Variants in SIGLEC11 observed in about 807,000 individuals in gnomAD.
SIGLEC11 encodes the protein sialic acid binding Ig like lectin 11.
SIGLEC11 carries 47 observed loss-of-function variants against 61.2 expected under a neutral mutation model. The observed-to-expected ratio is 0.77, with a 90% CI of 0.61 to 0.98. The LOEUF (loss-of-function observed/expected upper bound fraction) is 0.98, where lower values mean the gene tolerates loss of function less well. Ranked by LOEUF, SIGLEC11 falls within the 50% of genes least tolerant of loss-of-function variation. The probability of loss-of-function intolerance (pLI) is 0.00; values close to 1 mark genes in which losing one functional copy is unlikely to be tolerated. For synonymous variants in SIGLEC11, 278 were observed against 373.1 expected (o/e 0.75, Z 2.94); for missense variants, 610 against 870.3 (o/e 0.70, Z 3.76).
In SIGLEC11 at chr19:49,958,775, C is replaced by T. The variant is rs200076826; in HGVS notation, c.1231G>A (p.Gly411Ser). Residue 411 changes from glycine to serine, a missense_variant, in exon 7 of 11, where the codon GGC becomes AGC. By Grantham distance (56) the Gly-to-Ser change is moderately conservative (BLOSUM62 0). Coordinates refer to ENST00000447370, the MANE Select transcript of SIGLEC11 (RefSeq NM_052884.3). ...CCGGGGTCTGAGGGCTGGGAGGGGC[C>T]CACGGTCTGTCCCCACCGGGTCCAG... The part of the protein sequence containing the change: ...LSWTRWGQTV[G>S]PSQPSDPGVL... The T allele has an allele frequency of 5.6e-6, 9 of 1,613,652 alleles. No homozygotes were observed. Among genetic ancestry groups the T allele is most frequent in the Non-Finnish European group, 1.7e-6 (2 of 1,179,864 alleles).
At chr19:49,956,305 G>A (rs1031576520) in intron 8 of SIGLEC11, among the ~76,000 whole-genome samples, 18 of 152,264 alleles carry the variant, frequency 1.2e-4, no homozygotes, top group Admixed American at 5.9e-4. Context: ...GCAATATGAC[G>A]ATAAAACACT....
rs2076242581 is a variant in SIGLEC11 at position 49,960,922 on chromosome 19, C to T, written c.90G>A (p.Lys30=). ...GCACTTGAAGACTGTAACTGGGATC[C>T]TTGTTCAGGGACCCTGGGGAGATGC... The part of the protein sequence containing the change: ...LPVLGAGSLN[K]DPSYSLQVQR... The change falls in exon 2 of 11, where the codon AAG becomes AAA. Residue 30 remains lysine, a synonymous_variant. Transcript: ENST00000447370. 1 of 1,499,528 alleles carries T rather than the reference C, an allele frequency of 6.7e-7. No homozygotes were observed. Among genetic ancestry groups the T allele is most frequent in the Non-Finnish European group, 9.1e-7 (1 of 1,101,720 alleles). 92.9% of individuals were successfully genotyped at this position (1,499,528 alleles called of 1,614,324 possible).
Position 49,955,667 on chromosome 19 carries a change from G to A in SIGLEC11, c.1651+2616C>T, listed in dbSNP as rs182485062. Among the ~76,000 whole-genome samples the A allele has an allele frequency of 4.0e-4, 61 of 152,322 alleles. No homozygotes were observed. In the East Asian group the frequency reaches 0.012, roughly 29 times the overall value. On this transcript the variant is annotated intron_variant, in intron 8 of 10. Coordinates refer to ENST00000447370, the MANE Select transcript of SIGLEC11 (RefSeq NM_052884.3). This position sits in a 1 kb window ranked among gnomAD's most constrained non-coding sequence, Gnocchi z 4.5. ...AAAAATTAGCAGGCCGGGCATGGCG[G>A]CTCACACCTGTAATCCCAGCACTTT...
chr19:49,958,656 G>T lies in SIGLEC11; in HGVS notation c.1350C>A (p.Ser450Arg). The part of the protein sequence containing the change: ...HPLGSQHVSL[S>R]LSVHYPPQLL... The stretch of plus-strand genomic sequence containing the variant: ...TCCCCCACTCACAGTGCACGGAGAG[G>T]CTGAGAGAGACGTGCTGGGAGCCCA... The change falls in exon 7 of 11, where the codon AGC becomes AGA. Residue 450 changes from serine to arginine, a missense_variant. Physicochemically the swap from Ser to Arg is moderately radical, Grantham distance 110 (BLOSUM62 -1). Around this residue, in one of 6 missense-constraint regions of SIGLEC11, gnomAD observed 432 missense variants for 441.5 expected, o/e 0.98. Transcript: ENST00000447370. 2.5e-6 allele frequency: 4 copies of T among 1,599,988 alleles called. No individual in the cohort carries two copies. The highest frequency in any genetic ancestry group is 3.4e-6 in the Non-Finnish European group (4 of 1,173,198).
chr19:49,950,269 G>A, intron 10 of SIGLEC11, 33 bp from the exon 11 acceptor site: 5 of 1,499,078 alleles, frequency 3.3e-6, no homozygotes, highest in Non-Finnish European at 4.4e-6. Context: ...GTCAAATTAG[G>A]GTCATGGGGG....
rs1350264103 is a variant in SIGLEC11, at chr19:49,958,648, A to G, written c.1358T>C (p.Val453Ala). The change falls in exon 7 of 11, where the codon GTG becomes GCG. Residue 453 changes from valine (V) to alanine (A), a missense_variant. By Grantham distance (64) the Val-to-Ala change is moderately conservative. Coordinates refer to ENST00000447370, the MANE Select transcript of SIGLEC11 (RefSeq NM_052884.3). Reference sequence around the variant, plus strand: ...GTCCCCTTTCCCCCACTCACAGTGCACGGAGAGGCTGAGAGAGACGTGCTG... The same window carrying G: ...GTCCCCTTTCCCCCACTCACAGTGCGCGGAGAGGCTGAGAGAGACGTGCTG... ...GSQHVSLSLS[V>A]HYPPQLLGPS... 1 of 1,594,516 alleles carries G rather than the reference A, an allele frequency of 6.3e-7. No individual in the cohort carries two copies. The highest frequency in any genetic ancestry group is 1.3e-5 in the African/African-American group (1 of 74,628).
Position 49,960,894 on chromosome 19 carries a change from T to C in SIGLEC11, c.118A>G (p.Arg40Gly), listed in dbSNP as rs1163839712. The part of the protein sequence containing the change: ...KDPSYSLQVQ[R>G]QVPVPEGLCV... ...AGGCCCTCCGGCACCGGCACCTGCC[T>C]CTGCACTTGAAGACTGTAACTGGGA... The change falls in exon 2 of 11, where the codon AGG becomes GGG. Residue 40 changes from arginine to glycine, a missense_variant. By Grantham distance (125) the Arg-to-Gly change is moderately radical (BLOSUM62 -2). Around this residue, in one of 6 missense-constraint regions of SIGLEC11, gnomAD observed 27 missense variants for 96.0 expected, o/e 0.28. Coordinates refer to ENST00000447370, the MANE Select transcript of SIGLEC11 (RefSeq NM_052884.3). The C allele has an allele frequency of 6.5e-7, 1 of 1,537,396 alleles. No homozygotes were observed. Among genetic ancestry groups the C allele is most frequent in the Non-Finnish European group, 8.9e-7 (1 of 1,126,374 alleles).
At chr19:49,958,985 C>T in intron 6 of SIGLEC11, 45 bp downstream of exon 6, 3 of 1,613,504 alleles carry the variant, frequency 1.9e-6, no homozygotes, top group Non-Finnish European at 2.5e-6. Flanking sequence ...CCTGGGCCCC[C>T]AGTTTGGCAC....
At position 49,949,849 on chromosome 19, in the gene SIGLEC11, G is replaced by C. The variant is rs1244701875; in HGVS notation, c.*121C>G. 9 of 1,114,702 alleles carry C rather than the reference G, an allele frequency of 8.1e-6. No individual in the cohort carries two copies. The highest frequency in any genetic ancestry group is 1.0e-5 in the Non-Finnish European group (9 of 861,000). 69.1% of individuals were successfully genotyped at this position (1,114,702 alleles called of 1,614,324 possible). ...AGAGTCAGACCCTGTCTCAAAAAAA[G>C]TATAATCTTCAAACTCAAGCTCTTC... On this transcript the variant is annotated 3_prime_UTR_variant, in exon 11 of 11. Transcript: ENST00000447370.
Position 49,960,526 on chromosome 19 carries a change from G to A in SIGLEC11, c.460+26C>T, listed in dbSNP as rs767375333. On this transcript the variant is annotated intron_variant, in intron 2 of 10. Coordinates refer to ENST00000447370, the MANE Select transcript of SIGLEC11 (RefSeq NM_052884.3). ...CCAGGGTCCCTCCCCAGTGTGACAG[G>A]CAGGGGTTCCCACCCCATTCCATAC... 37 of 1,593,878 alleles carry A rather than the reference G, an allele frequency of 2.3e-5. 2 individuals are homozygous for A. Among genetic ancestry groups the A allele is most frequent in the African/African-American group, 3.2e-5 (2 of 61,652 alleles).
At chr19:49,953,048 T>G (rs1217504987) in intron 8 of SIGLEC11, among the ~76,000 whole-genome samples, 1 of 152,160 alleles carries the variant, frequency 6.6e-6, no homozygotes. Context: ...TCCCGCAGCA[T>G]TTTTGGCGAC....
In SIGLEC11 at chr19:49,951,858, C is replaced by G; in HGVS notation, c.1830+33G>C. 1 of 1,541,654 alleles carries G rather than the reference C, an allele frequency of 6.5e-7. No homozygotes were observed. Among genetic ancestry groups the G allele is most frequent in the Non-Finnish European group, 8.7e-7 (1 of 1,143,208 alleles). On this transcript the variant is annotated intron_variant, in intron 10 of 10. Transcript: ENST00000447370. The surrounding 1 kb of genome is among the most constrained non-coding windows in gnomAD (Gnocchi z 4.6). ...TGGCCATCAAGGAAAGGGGAACAGG[C>G]AGGGCCCCAGCAGACAGAGGCTGGG... is the stretch of plus-strand genomic sequence containing the variant.
At position 49,950,369 on chromosome 19, in the gene SIGLEC11, CTCATTCATTCACTCAT is replaced by C. The variant is rs930760653; in HGVS notation, c.1831-149_1831-134del. 1.9e-5 allele frequency: 18 copies of C among 923,424 alleles called. No individual in the cohort carries two copies. The East Asian group carries it at 3.0e-4, about 15-fold the overall frequency. 57.2% of individuals were successfully genotyped at this position (923,424 alleles called of 1,614,324 possible). ...TCATTCCACAAAGGTCAGCTGGGCC[CTCATTCATTCACTCAT>C]TCATTCATTCACTCATTCAGCAAAT... is the stretch of plus-strand genomic sequence containing the variant. On this transcript the variant is annotated intron_variant, in intron 10 of 10. Coordinates refer to ENST00000447370, the MANE Select transcript of SIGLEC11 (RefSeq NM_052884.3).
chr19:49,957,222 T>C (rs1600614987), intron 8 of SIGLEC11, among the ~76,000 whole-genome samples: 1 of 152,254 alleles, frequency 6.6e-6, no homozygotes, highest in East Asian at 1.9e-4. Flanking sequence ...ATATCAACCT[T>C]TGTCTAAAGA....
chr19:49,958,751 C>T lies in SIGLEC11; in HGVS notation c.1255G>A (p.Gly419Arg), dbSNP rs765525096. 3.3e-5 allele frequency: 53 copies of T among 1,613,720 alleles called. No individual in the cohort carries two copies. In the South Asian group the frequency reaches 4.0e-4, roughly 12 times the overall value. Reference protein sequence around the residue: ...TVGPSQPSDPGVLELPPIQME... With the variant: ...TVGPSQPSDPRVLELPPIQME... ...TGAATGGGTGGCAGCTCCAGGACCC[C>T]GGGGTCTGAGGGCTGGGAGGGGCCC... is the stretch of plus-strand genomic sequence containing the variant. The change falls in exon 7 of 11, where the codon GGG (glycine) becomes AGG (arginine). Residue 419 changes from glycine to arginine, a missense_variant. By Grantham distance (125) the Gly-to-Arg change is moderately radical. Transcript: ENST00000447370.
chr19:49,953,013 G>T (rs76990870), intron 8 of SIGLEC11, among the ~76,000 whole-genome samples: 1 of 152,156 alleles, frequency 6.6e-6, no homozygotes, highest in Non-Finnish European at 1.5e-5. Flanking sequence ...CCTGTTCTCC[G>T]TATCGGTCTC....
At chr19:49,956,454 A>C (rs941866551) in intron 8 of SIGLEC11, among the ~76,000 whole-genome samples, 3 of 152,144 alleles carry the variant, frequency 2.0e-5, no homozygotes, top group African/African-American at 7.2e-5. Flanking sequence ...TCTTTGTTGG[A>C]TCTGTAGGCC....
At chr19:49,958,030 C>T (rs866768691) in intron 8 of SIGLEC11, among the ~76,000 whole-genome samples, 1 of 152,080 alleles carries the variant, frequency 6.6e-6, no homozygotes, top group Non-Finnish European at 1.5e-5. Context: ...CCTTCTTTGT[C>T]TTTATTTAAT....
rs775853486 is a variant in SIGLEC11 at position 49,949,988 on chromosome 19, T to C, written c.2079A>G (p.Ser693=). The C allele has an allele frequency of 1.0e-5, 15 of 1,493,460 alleles. No individual in the cohort carries two copies. Among genetic ancestry groups the C allele is most frequent in the African/African-American group, 1.4e-5 (1 of 71,066 alleles). 92.5% of individuals were successfully genotyped at this position (1,493,460 alleles called of 1,614,324 possible). A position where few individuals can be genotyped will look rare whatever the true frequency, so the allele number is the denominator to read the frequency against. ...GFGLQLEREM[S]GMVPK ...GACCTCTTCACTTTGGAACCATCCC[T>C]GACATCTCCCTCTCCAATTGAAGCC... is the stretch of plus-strand genomic sequence containing the variant. Residue 693 remains serine (S), a synonymous_variant, in exon 11 of 11, where the codon TCA becomes TCG. Coordinates refer to ENST00000447370, the MANE Select transcript of SIGLEC11 (RefSeq NM_052884.3).
Sources: allele counts gnomAD v4.1 joint callset (sites outside exome capture counted in the v4.1 genomes callset), GRCh38; gene constraint gnomAD v4.1.1; regional missense constraint gnomAD v4.1.1; non-coding constraint Gnocchi (gnomAD v3.1); transcripts MANE v1.5; gene names NCBI Gene and HGNC (gene_info 2026-07-23, HGNC 2026-07-21).